PRDM10: variants seen among roughly 807,000 people sequenced by gnomAD.
The protein encoded by PRDM10 is PR domain zinc finger protein 10.
PRDM10 carries 65 observed loss-of-function variants against 133.1 expected under a neutral mutation model. The observed-to-expected ratio is 0.49, with a 90% confidence interval of 0.40 to 0.60. PRDM10 has a LOEUF of 0.60. PRDM10 is among the 20% of genes least tolerant of loss of function. The pLI, the probability that PRDM10 is intolerant of heterozygous loss-of-function variation, is 0.00. For synonymous variants in PRDM10, 582 were observed against 580.4 expected (o/e 1.00, Z -0.04); for missense variants, 1,137 against 1,507.1 (o/e 0.75, Z 4.07).
intron 19 of PRDM10, among the ~76,000 whole-genome samples, chr11:129,906,110 ATTATAAT>A (rs1486178628): frequency 6.6e-6 from 1 of 152,216 alleles, no homozygotes; most frequent in Non-Finnish European, 1.5e-5. Flanking sequence ...ACACTTGGCA[ATTATAAT>A]TTAATCCAAC....
intron 1 of PRDM10, among the ~76,000 whole-genome samples, chr11:129,968,393 A>G (rs1169427681): frequency 6.6e-6 from 1 of 152,152 alleles, no homozygotes; most frequent in Non-Finnish European, 1.5e-5. Context: ...TTATAGGGAG[A>G]CTGATGAGCC....
intron 1 of PRDM10, among the ~76,000 whole-genome samples, chr11:130,002,218 C>T (rs1289519791): frequency 6.7e-6 from 1 of 148,242 alleles, no homozygotes; most frequent in Non-Finnish European, 1.5e-5. Context: ...GCCCGCGCAA[C>T]CGCCGCCGCC....
chr11:129,993,232 T>C (rs1938844800), intron 1 of PRDM10, among the ~76,000 whole-genome samples: 1 of 152,210 alleles, frequency 6.6e-6, no homozygotes, highest in African/African-American at 2.4e-5. Flanking sequence ...GGATTTCTCC[T>C]TTTCTGAAGT....
chr11:129,940,124 T>C (rs1203252400), intron 7 of PRDM10, among the ~76,000 whole-genome samples: 1 of 152,236 alleles, frequency 6.6e-6, no homozygotes, highest in Non-Finnish European at 1.5e-5. Context: ...TTTGCTTCAG[T>C]GTGTCTTTTT....
At chr11:129,955,822 G>C (rs12272636) in intron 3 of PRDM10, among the ~76,000 whole-genome samples, 4,713 of 152,242 alleles carry the variant, frequency 0.031, 235 homozygotes, top group African/African-American at 0.11. Flanking sequence ...AATTTTACTC[G>C]TAAGCAAAGC....
intron 20 of PRDM10, among the ~76,000 whole-genome samples, chr11:129,904,823 T>G (rs987313610): frequency 2.0e-5 from 3 of 151,808 alleles, no homozygotes; most frequent in Admixed American, 2.0e-4. Flanking sequence ...TAAATTCACA[T>G]GTATGTACTC....
In PRDM10 at chr11:129,923,468, C is replaced by A; in HGVS notation, c.1879-65G>T. On this transcript the variant is annotated intron_variant, in intron 12 of 20. Transcript: ENST00000360871. The surrounding 1 kb of genome is among the most constrained non-coding windows in gnomAD (Gnocchi z 4.4). The stretch of plus-strand genomic sequence containing the variant: ...CACCAAATGAAATGACCAAAGGCAG[C>A]TTGTCAACGCTAGAGGGAGCCAAAC... 1 of 1,510,376 alleles carries A rather than the reference C, an allele frequency of 6.6e-7. No individual in the cohort carries two copies. Among genetic ancestry groups the A allele is most frequent in the Non-Finnish European group, 8.9e-7 (1 of 1,126,048 alleles). The allele number at this position is 1,510,376 out of a possible 1,614,324, so 93.6% of individuals were successfully genotyped here.
chr11:129,905,331 C>T (rs1430752804), intron 20 of PRDM10, among the ~76,000 whole-genome samples: 1 of 142,920 alleles, frequency 7.0e-6, no homozygotes, highest in African/African-American at 2.7e-5. Flanking sequence ...CCACTGCACT[C>T]CAGCCTGGCG....
intron 13 of PRDM10, among the ~76,000 whole-genome samples, chr11:129,919,480 C>T (rs1465513784): frequency 2.0e-5 from 3 of 152,214 alleles, no homozygotes; most frequent in Non-Finnish European, 2.9e-5. Context: ...TAGAACTTCT[C>T]ACCTTACAGA....
At chr11:129,935,871 G>A (rs1202276735) in intron 8 of PRDM10, among the ~76,000 whole-genome samples, 1 of 152,212 alleles carries the variant, frequency 6.6e-6, no homozygotes, top group Non-Finnish European at 1.5e-5. Flanking sequence ...GGAATTTCCT[G>A]AGTAACAGGA....
intron 1 of PRDM10, among the ~76,000 whole-genome samples, chr11:129,994,299 A>C (rs1449635423): frequency 6.8e-6 from 1 of 148,120 alleles, no homozygotes; most frequent in African/African-American, 2.6e-5. Flanking sequence ...ATCTCTACTA[A>C]AAAAAAAGTA....
At chr11:129,994,570 A>G (rs1938939850) in intron 1 of PRDM10, among the ~76,000 whole-genome samples, 1 of 151,886 alleles carries the variant, frequency 6.6e-6, no homozygotes, top group Admixed American at 6.6e-5. Context: ...CCCAGGAGTT[A>G]GAGACCAGCC....
intron 2 of PRDM10, 137 bp from the exon 3 acceptor site, chr11:129,958,047 C>T: frequency 1.0e-6 from 1 of 994,308 alleles, no homozygotes; most frequent in Non-Finnish European, 1.5e-6. Flanking sequence ...GAGGTGGTGA[C>T]TAGGGGAGGA....
At chr11:129,943,107 T>A (rs1341644466) in intron 6 of PRDM10, among the ~76,000 whole-genome samples, 1 of 152,078 alleles carries the variant, frequency 6.6e-6, no homozygotes, top group Non-Finnish European at 1.5e-5. Flanking sequence ...AAAAAACACA[T>A]CCCAAATATT....
At chr11:129,974,151 G>A (rs1405035865) in intron 1 of PRDM10, among the ~76,000 whole-genome samples, 1 of 152,182 alleles carries the variant, frequency 6.6e-6, no homozygotes, top group Non-Finnish European at 1.5e-5. Context: ...TCATAGAGGT[G>A]TAAACAGGAC....
At chr11:129,988,708 C>T (rs1009295994) in intron 1 of PRDM10, among the ~76,000 whole-genome samples, 2 of 152,026 alleles carry the variant, frequency 1.3e-5, no homozygotes, top group Non-Finnish European at 2.9e-5. Context: ...CGGCTCACTG[C>T]AAGCTCTGCC....
intron 8 of PRDM10, among the ~76,000 whole-genome samples, chr11:129,936,133 G>C (rs555916349): frequency 5.9e-5 from 9 of 152,178 alleles, no homozygotes; most frequent in Non-Finnish European, 1.2e-4. Flanking sequence ...TAAAAATGCT[G>C]GACACTGAAG....
chr11:129,967,960 C>G (rs1421085375), intron 1 of PRDM10, among the ~76,000 whole-genome samples: 1 of 152,110 alleles, frequency 6.6e-6, no homozygotes, highest in African/African-American at 2.4e-5. Context: ...TCACTAAGCC[C>G]TTCTCAGCTA....
chr11:129,923,687 A>ACT lies in PRDM10; in HGVS notation c.1879-285_1879-284insAG, dbSNP rs1950590103. Among the ~76,000 whole-genome samples the ACT allele has an allele frequency of 6.9e-6, 1 of 145,198 alleles. No homozygotes were observed. Among genetic ancestry groups the ACT allele is most frequent in the African/African-American group, 2.7e-5 (1 of 37,724 alleles). On this transcript the variant is annotated intron_variant, in intron 12 of 20. Coordinates refer to ENST00000360871, the MANE Select transcript of PRDM10 (RefSeq NM_199437.2). This position sits in a 1 kb window ranked among gnomAD's most constrained non-coding sequence, Gnocchi z 4.4. Reference sequence around the variant, plus strand: ...GAGAGAGAGAGAGAGAGAGAGAGAGAGAGAGAGTGCTTGCTTGGTCAAAGC... The same window carrying ACT: ...GAGAGAGAGAGAGAGAGAGAGAGAGACTGAGAGAGTGCTTGCTTGGTCAAAGC...
Sources: gnomAD v4.1 joint callset for allele counts (sites outside exome capture counted in the v4.1 genomes callset) on GRCh38, gnomAD v4.1.1 for gene constraint, Gnocchi (gnomAD v3.1) non-coding constraint, MANE v1.5 for transcripts, NCBI Gene and HGNC (gene_info 2026-07-23, HGNC 2026-07-21) for gene names.